The following MSH3 variants were observed in gnomAD, a reference collection of about 807,000 sequenced individuals.
MSH3 encodes the protein DNA mismatch repair protein Msh3.
In MSH3, 106 loss-of-function variants were observed where a neutral mutation model predicts 123.3. The observed-to-expected ratio is 0.86, with a 90% CI of 0.73 to 1.01. The LOEUF (loss-of-function observed/expected upper bound fraction) is 1.01, where lower values mean the gene tolerates loss of function less well. Ranked by LOEUF, MSH3 falls within the 50% of genes least tolerant of loss-of-function variation. The probability of loss-of-function intolerance (pLI) is 0.00; values close to 1 mark genes in which losing one functional copy is unlikely to be tolerated. For missense variants in MSH3, 1,459 were observed against 1,347.6 expected, an observed-to-expected ratio of 1.08 and a Z score of -1.29; for synonymous variants, 515 against 481.4, an observed-to-expected ratio of 1.07 and a Z score of -0.91.
At chr5:80,669,257 TTC>T (rs1175918159) in intron 3 of MSH3, among the ~76,000 whole-genome samples, 1 of 152,224 alleles carries the variant, frequency 6.6e-6, no homozygotes, top group Non-Finnish European at 1.5e-5. Flanking sequence ...GCCATTTTGC[TTC>T]TCTCTCACTC....
At position 80,746,180 on chromosome 5, in the gene MSH3, G is replaced by A. The variant is rs187669673; in HGVS notation, c.1763+1565G>A. Among the ~76,000 whole-genome samples, 16 of 152,256 alleles carry A rather than the reference G, an allele frequency of 1.1e-4. No homozygotes were observed. The East Asian group carries it at 3.1e-3, about 29-fold the overall frequency. ...AAACTCAGCCATAGGTTTGGAATCCGTATTCACACCACACATTCACTGAGG... is the reference window on the plus strand; with the variant it reads ...AAACTCAGCCATAGGTTTGGAATCCATATTCACACCACACATTCACTGAGG... On this transcript the variant is annotated intron_variant, in intron 12 of 23. Coordinates refer to ENST00000265081, the MANE Select transcript of MSH3 (RefSeq NM_002439.5).
intron 8 of MSH3, among the ~76,000 whole-genome samples, chr5:80,702,770 G>A (rs563023126): frequency 1.3e-5 from 2 of 152,126 alleles, no homozygotes; most frequent in East Asian, 3.9e-4. Context: ...CCAGTACTTT[G>A]GGAGGCTGAG....
chr5:80,805,584 C>G (rs937868932), intron 19 of MSH3, among the ~76,000 whole-genome samples: 3 of 80,528 alleles, frequency 3.7e-5, no homozygotes, highest in African/African-American at 5.9e-5. Context: ...TGATGCCCCC[C>G]CCCCCTACCT....
At chr5:80,722,925 C>T (rs917152406) in intron 8 of MSH3, among the ~76,000 whole-genome samples, 3 of 151,762 alleles carry the variant, frequency 2.0e-5, no homozygotes, top group South Asian at 2.1e-4. Context: ...GGCAACATGG[C>T]GAAACCCTGT....
intron 20 of MSH3, among the ~76,000 whole-genome samples, chr5:80,828,274 C>A (rs1001559956): frequency 3.9e-5 from 6 of 152,148 alleles, no homozygotes; most frequent in Admixed American, 3.9e-4. Context: ...AACAGACCCA[C>A]TCTAGTGAAA....
chr5:80,807,648 T>A (rs529371098), intron 19 of MSH3, among the ~76,000 whole-genome samples: 1 of 152,374 alleles, frequency 6.6e-6, no homozygotes, highest in South Asian at 2.1e-4. Context: ...ACCTGCCTTA[T>A]GAATTTTTAC....
At chr5:80,662,112 G>A (rs1650682) in intron 2 of MSH3, among the ~76,000 whole-genome samples, 41,137 of 152,084 alleles carry the variant, frequency 0.27, 5,769 homozygotes, top group Middle Eastern at 0.35. Context: ...AGGTATTTTT[G>A]CTGTACCATT....
At chr5:80,784,400 ATTTTG>A (rs1199227618) in intron 17 of MSH3, among the ~76,000 whole-genome samples, 1 of 151,864 alleles carries the variant, frequency 6.6e-6, no homozygotes, top group East Asian at 1.9e-4. Flanking sequence ...AGAGCATTTT[ATTTTG>A]TTTTATTTTA....
At chr5:80,735,812 G>A (rs1022126990) in intron 10 of MSH3, among the ~76,000 whole-genome samples, 4 of 151,962 alleles carry the variant, frequency 2.6e-5, no homozygotes, top group African/African-American at 9.7e-5. Flanking sequence ...ATTAGCAATG[G>A]GAAAAGAACC....
chr5:80,725,933 T>G (rs142980875), intron 9 of MSH3, among the ~76,000 whole-genome samples: 1 of 152,146 alleles, frequency 6.6e-6, no homozygotes, highest in Non-Finnish European at 1.5e-5. Context: ...TTCATCAGAG[T>G]GGAAGGAGTT....
At chr5:80,702,560 C>T (rs1313074919) in intron 8 of MSH3, among the ~76,000 whole-genome samples, 3 of 152,130 alleles carry the variant, frequency 2.0e-5, no homozygotes, top group Non-Finnish European at 2.9e-5. Flanking sequence ...TGGTTAGTAG[C>T]TACTGTATAA....
intron 19 of MSH3, among the ~76,000 whole-genome samples, chr5:80,796,833 C>G (rs1744706561): frequency 6.7e-6 from 1 of 150,062 alleles, no homozygotes; most frequent in African/African-American, 2.5e-5. Context: ...TACATGTGGT[C>G]ACCGCTGGAG....
At chr5:80,705,977 C>T (rs139939135) in intron 8 of MSH3, among the ~76,000 whole-genome samples, 4 of 152,086 alleles carry the variant, frequency 2.6e-5, no homozygotes, top group Admixed American at 6.5e-5. Flanking sequence ...TAACATAGGG[C>T]GAGGACATTC....
chr5:80,866,083 TAACC>T (rs1746093710), intron 22 of MSH3, among the ~76,000 whole-genome samples: 1 of 152,242 alleles, frequency 6.6e-6, no homozygotes, highest in Non-Finnish European at 1.5e-5. Flanking sequence ...AACTGAAAAC[TAACC>T]CAGAGCATTG....
chr5:80,772,904 G>C (rs1252585243), intron 15 of MSH3, among the ~76,000 whole-genome samples: 12 of 152,172 alleles, frequency 7.9e-5, no homozygotes, highest in Non-Finnish European at 1.8e-4. Context: ...CCCTGTCTGA[G>C]GATGTGACCA....
intron 16 of MSH3, among the ~76,000 whole-genome samples, chr5:80,776,928 ATTT>A (rs551087715): frequency 5.7e-5 from 8 of 139,398 alleles, no homozygotes; most frequent in African/African-American, 2.1e-4. Context: ...ATATATATAT[ATTT>A]TTTTTTTTTC....
At chr5:80,680,517 C>T (rs567159964) in intron 8 of MSH3, among the ~76,000 whole-genome samples, 1 of 150,402 alleles carries the variant, frequency 6.6e-6, no homozygotes, top group African/African-American at 2.4e-5. Context: ...GTGTATATCA[C>T]TTTTTTCCAT....
intron 8 of MSH3, among the ~76,000 whole-genome samples, chr5:80,723,615 G>A (rs1246342442): frequency 4.6e-5 from 7 of 152,044 alleles, no homozygotes; most frequent in Admixed American, 4.6e-4. Context: ...TAGAAATAGT[G>A]TAACATTGAG....
At chr5:80,668,492 C>T (rs755834152) in intron 3 of MSH3, among the ~76,000 whole-genome samples, 19 of 152,306 alleles carry the variant, frequency 1.2e-4, no homozygotes, top group Admixed American at 2.0e-4. Flanking sequence ...CCATGTTCAT[C>T]AGTGTCCAAA....
Sources: gnomAD v4.1 joint callset for allele counts (sites outside exome capture counted in the v4.1 genomes callset) on GRCh38, gnomAD v4.1.1 for gene constraint, MANE v1.5 for transcripts, NCBI Gene and HGNC (gene_info 2026-07-23, HGNC 2026-07-21) for gene names.